Variants in PHLDB2 observed in about 807,000 individuals in gnomAD.
PHLDB2 encodes the protein pleckstrin homology-like domain family B member 2.
PHLDB2 carries 71 observed loss-of-function variants against 123.6 expected under a neutral mutation model. The observed-to-expected ratio is 0.57, with a 90% confidence interval of 0.47 to 0.70. The LOEUF (loss-of-function observed/expected upper bound fraction) is 0.70, where lower values mean the gene tolerates loss of function less well. Among genes scored for constraint, PHLDB2 ranks in the 30% least tolerant of loss-of-function variants. PHLDB2 has a pLI of 0.00. For missense variants in PHLDB2, 1,446 were observed against 1,519.5 expected (o/e 0.95, Z 0.80); for synonymous variants, 547 against 541.6 (o/e 1.01, Z -0.14).
chr3:111,827,422 TC>T lies in PHLDB2; in HGVS notation c.-48-18396del, dbSNP rs1260498705. Among the ~76,000 whole-genome samples the T allele has an allele frequency of 3.9e-5, 6 of 152,226 alleles. No individual in the cohort carries two copies. In the East Asian group the frequency reaches 1.2e-3, roughly 29 times the overall value. ...CGGGCGCGGTAGCTCACGCCTGTAA[TC>T]CCAGCACTTTGGGAGGCCCAGGTGG... On this transcript the variant is annotated intron_variant, in intron 1 of 17. Transcript: ENST00000393923.
chr3:111,919,882 C>G (rs772464665), intron 4 of PHLDB2, among the ~76,000 whole-genome samples: 2 of 152,126 alleles, frequency 1.3e-5, no homozygotes, highest in Admixed American at 6.5e-5. Context: ...GCTAGCATTG[C>G]GAGGAATGCA....
intron 12 of PHLDB2, among the ~76,000 whole-genome samples, chr3:111,955,314 A>T (rs1289507898): frequency 1.3e-5 from 2 of 152,116 alleles, no homozygotes; most frequent in Non-Finnish European, 2.9e-5. Flanking sequence ...TTTCTTTGCC[A>T]TAATTTCTTA....
chr3:111,857,937 A>G (rs2108634843), upstream of PHLDB2, among the ~76,000 whole-genome samples: 1 of 152,352 alleles, frequency 6.6e-6, no homozygotes, highest in East Asian at 1.9e-4. Flanking sequence ...CATTTGACCC[A>G]GCAATCCCAT....
In PHLDB2 at chr3:111,940,624, T is replaced by A. The variant is rs746665407; in HGVS notation, c.2376T>A (p.Asn792Lys). 5.0e-6 allele frequency: 8 copies of A among 1,596,438 alleles called. No homozygotes were observed. In the African/African-American group the frequency reaches 1.1e-4, roughly 21 times the overall value. The change falls in exon 8 of 18, where the codon AAT becomes AAA. Residue 792 changes from asparagine (N) to lysine (K), a missense_variant. By Grantham distance (94) the Asn-to-Lys change is moderately conservative (BLOSUM62 0). Around this residue, in one of 3 missense-constraint regions of PHLDB2, gnomAD observed 594 missense variants for 646.0 expected, o/e 0.92. Transcript: ENST00000431670. ...EQDHFVKEKN[N>K]LIMMLQREKE... ...ATCATTTTGTGAAAGAAAAGAATAA[T>A]TTAATAATGATGTTGCAAAGAGTAA...
chr3:111,740,900 A>G (rs1348537693), intron 1 of PHLDB2, among the ~76,000 whole-genome samples: 1 of 101,584 alleles, frequency 9.8e-6, no homozygotes, highest in Admixed American at 1.0e-4. Context: ...CCATCAAGTT[A>G]AAAAAAAAAA....
At chr3:111,798,121 G>A (rs897726593) in intron 1 of PHLDB2, among the ~76,000 whole-genome samples, 1 of 151,686 alleles carries the variant, frequency 6.6e-6, no homozygotes, top group Non-Finnish European at 1.5e-5. Context: ...GTGACACAGT[G>A]AGACCCTATC....
intron 1 of PHLDB2, among the ~76,000 whole-genome samples, chr3:111,831,034 G>GAAAGA (rs1559855393): frequency 0.028 from 1,267 of 45,728 alleles, 83 homozygotes; most frequent in East Asian, 0.045. Flanking sequence ...AGAAAGAAAG[G>GAAAGA]AAGGAAGGAA....
chr3:111,753,693 C>T (rs1419200411), intron 1 of PHLDB2, among the ~76,000 whole-genome samples: 1 of 152,108 alleles, frequency 6.6e-6, no homozygotes, highest in Admixed American at 6.6e-5. Context: ...GTTGCCATTG[C>T]TTTTGGTGTT....
intron 1 of PHLDB2, among the ~76,000 whole-genome samples, chr3:111,860,718 T>G (rs1270873200): frequency 6.6e-6 from 1 of 152,150 alleles, no homozygotes; most frequent in Non-Finnish European, 1.5e-5. Flanking sequence ...AAACTACCCG[T>G]GGCTGGAAAT....
intron 1 of PHLDB2, among the ~76,000 whole-genome samples, chr3:111,795,479 T>C (rs527248103): frequency 6.6e-6 from 1 of 152,288 alleles, no homozygotes; most frequent in South Asian, 2.1e-4. Context: ...GCTGCCTCCA[T>C]CAACAATCTT....
intron 1 of PHLDB2, among the ~76,000 whole-genome samples, chr3:111,872,095 C>T (rs562144229): frequency 6.6e-6 from 1 of 152,278 alleles, no homozygotes; most frequent in East Asian, 1.9e-4. Context: ...TTTCAACGTA[C>T]ATTAACTTCT....
At position 111,963,647 on chromosome 3, in the gene PHLDB2, A is replaced by G. The variant is rs577194776; in HGVS notation, c.3077+1335A>G. On this transcript the variant is annotated intron_variant, in intron 13 of 17. Coordinates refer to ENST00000431670, the MANE Select transcript of PHLDB2 (RefSeq NM_001134438.2). Reference sequence around the variant, plus strand: ...GCAAATGTACCCACAACTCTGAGTAATCCTATCATCCTACAAATATTTTTT... The same window carrying G: ...GCAAATGTACCCACAACTCTGAGTAGTCCTATCATCCTACAAATATTTTTT... 2.0e-5 allele frequency among the ~76,000 whole-genome samples: 3 copies of G among 152,224 alleles called. No individual in the cohort carries two copies. The South Asian group carries it at 6.2e-4, about 32-fold the overall frequency.
intron 1 of PHLDB2, 134 bp from the exon 2 acceptor site, chr3:111,883,930 A>C: frequency 1.3e-6 from 1 of 780,258 alleles, no homozygotes; most frequent in East Asian, 2.6e-5. Context: ...CAGGTTTTTT[A>C]GTAAAACTGA....
At chr3:111,802,257 G>C (rs554040951) in intron 1 of PHLDB2, among the ~76,000 whole-genome samples, 55 of 152,300 alleles carry the variant, frequency 3.6e-4, no homozygotes, top group African/African-American at 1.3e-3. Flanking sequence ...AACCTCTCTT[G>C]TACCAAAGTG....
At chr3:111,831,036 AG>A (rs1403572087) in intron 1 of PHLDB2, among the ~76,000 whole-genome samples, 8,976 of 75,846 alleles carry the variant, frequency 0.12, 1,700 homozygotes, top group African/African-American at 0.32. Flanking sequence ...AAAGAAAGGA[AG>A]GAAGGAAGAA....
intron 1 of PHLDB2, among the ~76,000 whole-genome samples, chr3:111,757,161 A>T (rs1339394464): frequency 2.6e-5 from 4 of 151,602 alleles, no homozygotes; most frequent in Admixed American, 2.0e-4. Context: ...ATCTTTGTGG[A>T]GTTCTCTGTA....
In PHLDB2 at chr3:111,919,195, A is replaced by G. The variant is rs1279199299; in HGVS notation, c.1843A>G (p.Met615Val). The change falls in exon 4 of 18, where the codon ATG becomes GTG. Residue 615 changes from methionine (M) to valine (V), a missense_variant. By Grantham distance (21) the Met-to-Val change is conservative. Around this residue, in one of 3 missense-constraint regions of PHLDB2, gnomAD observed 832 missense variants for 831.9 expected, o/e 1.00. Coordinates refer to ENST00000431670, the MANE Select transcript of PHLDB2 (RefSeq NM_001134438.2). ...KQKIKDINDQ[M>V]DESFRELDME... The stretch of plus-strand genomic sequence containing the variant: ...AAAAATCAAAGACATAAATGATCAG[A>G]TGGATGAGTCTTTCAGAGAGGTAAA... 2.5e-6 allele frequency: 4 copies of G among 1,614,106 alleles called. No homozygotes were observed. Among genetic ancestry groups the G allele is most frequent in the Non-Finnish European group, 3.4e-6 (4 of 1,179,944 alleles).
intron 1 of PHLDB2, among the ~76,000 whole-genome samples, chr3:111,829,769 G>A (rs2062848467): frequency 6.6e-6 from 1 of 151,772 alleles, no homozygotes; most frequent in Non-Finnish European, 1.5e-5. Context: ...ACCAACATCT[G>A]ATATTTCTAA....
At chr3:111,923,463 A>G (rs544816520) in intron 5 of PHLDB2, among the ~76,000 whole-genome samples, 1 of 152,318 alleles carries the variant, frequency 6.6e-6, no homozygotes, top group South Asian at 2.1e-4. Flanking sequence ...CTATGGCTTC[A>G]AATAACTTGT....
Sources: allele counts gnomAD v4.1 joint callset (sites outside exome capture counted in the v4.1 genomes callset), GRCh38; gene constraint gnomAD v4.1.1; regional missense constraint gnomAD v4.1.1; transcripts MANE v1.5; gene names NCBI Gene and HGNC (gene_info 2026-07-23, HGNC 2026-07-21).